Variants in CEP162 observed in about 807,000 individuals in gnomAD.
The protein encoded by CEP162 is centrosomal protein of 162 kDa.
In CEP162, 141 loss-of-function variants were observed where a neutral mutation model predicts 169.2. That is an observed-to-expected ratio of 0.83 (90% CI 0.73 to 0.96). CEP162 has a LOEUF of 0.96. Among genes scored for constraint, CEP162 ranks in the 40% least tolerant of loss-of-function variants. CEP162 has a pLI of 0.00. For synonymous variants in CEP162, 540 were observed against 526.4 expected (o/e 1.03, Z -0.35); for missense variants, 1,600 against 1,587.2 (o/e 1.01, Z -0.14).
chr6:84,225,290 G>T (rs1478911652), intron 2 of CEP162, among the ~76,000 whole-genome samples: 1 of 152,154 alleles, frequency 6.6e-6, no homozygotes, highest in African/African-American at 2.4e-5. Flanking sequence ...AGGCTATATG[G>T]TATAGCTTAT....
At chr6:84,172,946 G>T (rs1303249544) in intron 16 of CEP162, among the ~76,000 whole-genome samples, 1 of 152,124 alleles carries the variant, frequency 6.6e-6, no homozygotes, top group Non-Finnish European at 1.5e-5. Flanking sequence ...TGACTGTCAG[G>T]CTAGCAACAC....
intron 18 of CEP162, among the ~76,000 whole-genome samples, chr6:84,166,083 T>C (rs1337438741): frequency 6.6e-6 from 1 of 152,216 alleles, no homozygotes; most frequent in Non-Finnish European, 1.5e-5. Flanking sequence ...AATGGAAGGC[T>C]TGCATATTTC....
chr6:84,212,360 G>A (rs1160036825), intron 6 of CEP162, among the ~76,000 whole-genome samples: 1 of 152,012 alleles, frequency 6.6e-6, no homozygotes, highest in Non-Finnish European at 1.5e-5. Context: ...AATGCACTGT[G>A]GTGTTTTTAA....
chr6:84,132,575 C>T (rs1208064556), intron 25 of CEP162, among the ~76,000 whole-genome samples: 1 of 152,150 alleles, frequency 6.6e-6, no homozygotes, highest in Non-Finnish European at 1.5e-5. Flanking sequence ...CTTCTCTTCT[C>T]ACTTCATTTC....
At chr6:84,128,912 A>G (rs950276357) in intron 25 of CEP162, among the ~76,000 whole-genome samples, 4 of 151,462 alleles carry the variant, frequency 2.6e-5, no homozygotes, top group Admixed American at 1.3e-4. Context: ...TCATTGTTCA[A>G]CTTCCACTTA....
At chr6:84,182,528 C>T (rs141708118) in intron 13 of CEP162, among the ~76,000 whole-genome samples, 103 of 152,208 alleles carry the variant, frequency 6.8e-4, no homozygotes, top group South Asian at 1.2e-3. Flanking sequence ...TGAGCAGCAA[C>T]GTACATAAAC....
intron 11 of CEP162, among the ~76,000 whole-genome samples, chr6:84,193,289 A>G (rs1217102330): frequency 6.6e-6 from 1 of 152,262 alleles, no homozygotes; most frequent in Non-Finnish European, 1.5e-5. Flanking sequence ...TCTATGACTC[A>G]TAAACATAAT....
chr6:84,181,277 G>T (rs2129228364), intron 13 of CEP162, among the ~76,000 whole-genome samples: 1 of 152,280 alleles, frequency 6.6e-6, no homozygotes, highest in Non-Finnish European at 1.5e-5. Flanking sequence ...AATAAATGGT[G>T]CTGGGAAAAC....
intron 25 of CEP162, among the ~76,000 whole-genome samples, chr6:84,138,868 T>C (rs553804489): frequency 6.6e-6 from 1 of 152,338 alleles, no homozygotes; most frequent in African/African-American, 2.4e-5. Flanking sequence ...TCTTAAACAC[T>C]GAAAAGAATG....
At position 84,204,231 on chromosome 6, in the gene CEP162, T is replaced by C. The variant is rs1469370946; in HGVS notation, c.572-135A>G. 3 of 550,480 alleles carry C rather than the reference T, an allele frequency of 5.4e-6. No homozygotes were observed. In the African/African-American group the frequency reaches 5.8e-5, roughly 11 times the overall value. The allele number at this position is 550,480 out of a possible 1,614,324, so 34.1% of individuals were successfully genotyped here. ...TGAAATAGTAACATAAAGATGTCTT[T>C]AGAGAATCTACAGAACTCTCCAGCC... On this transcript the variant is annotated intron_variant, in intron 6 of 26. Transcript: ENST00000403245.
chr6:84,144,995 C>T (rs1227400569), intron 25 of CEP162, among the ~76,000 whole-genome samples: 1 of 152,066 alleles, frequency 6.6e-6, no homozygotes, highest in African/African-American at 2.4e-5. Flanking sequence ...CTGGAAACAT[C>T]AGTTATACTA....
chr6:84,125,096 C>T lies in CEP162; in HGVS notation c.4186G>A (p.Asp1396Asn). 2 of 1,612,820 alleles carry T rather than the reference C, an allele frequency of 1.2e-6. No homozygotes were observed. Among genetic ancestry groups the T allele is most frequent in the Non-Finnish European group, 1.7e-6 (2 of 1,179,386 alleles). ...QGVVVPVAFA[D>N]EMNAPEY ...TAATACTCTGGTGCATTCATTTCAT[C>T]TGCAAAAGCAACTGGCACAACCACT... Residue 1396 changes from aspartate to asparagine, a missense_variant, in exon 27 of 27, where the codon GAT becomes AAT. Asp to Asn is a conservative substitution (Grantham distance 23, BLOSUM62 1). Transcript: ENST00000403245.
In CEP162 at chr6:84,201,737, C is replaced by T. The variant is rs2127733303; in HGVS notation, c.718G>A (p.Val240Ile). 1.5e-6 allele frequency: 2 copies of T among 1,321,916 alleles called. No homozygotes were observed. The highest frequency in any genetic ancestry group is 2.5e-5 in the East Asian group (1 of 39,366). 81.9% of individuals were successfully genotyped at this position (1,321,916 alleles called of 1,614,324 possible). Residue 240 changes from valine (V) to isoleucine (I), a missense_variant and splice_region_variant, in exon 8 of 27, where the codon GTT becomes ATT. Val to Ile is a conservative substitution (Grantham distance 29). Transcript: ENST00000403245. Reference sequence around the variant, plus strand: ...AAACATGAATATAAATAATATTTACCATTAGCAAGCATGCCAGTTTTTTCT... The same window carrying T: ...AAACATGAATATAAATAATATTTACTATTAGCAAGCATGCCAGTTTTTTCT... ...EEEKTGMLAN[V>I]VLLDSLDSVA...
intron 11 of CEP162, 80 bp downstream of exon 11, chr6:84,193,529 A>C (rs931859445): frequency 1.3e-6 from 1 of 777,402 alleles, no homozygotes; most frequent in African/African-American, 1.8e-5. Context: ...TTAGTCATTA[A>C]TCATTCACTA....
At position 84,125,270 on chromosome 6, in the gene CEP162, G is replaced by T; in HGVS notation, c.4012C>A (p.Gln1338Lys). Residue 1338 changes from glutamine (Q) to lysine (K), a missense_variant, in exon 27 of 27, where the codon CAG (glutamine) becomes AAG (lysine). Transcript: ENST00000403245. ...QREQELQQII[Q>K]QTHQVVETEQ... is the part of the protein sequence containing the mutation. ...GTTTCTACTACTTGGTGTGTTTGCT[G>T]TATTATCTGCAAATACAAAAATTCC... The T allele has an allele frequency of 6.2e-7, 1 of 1,612,628 alleles. No homozygotes were observed. The highest frequency in any genetic ancestry group is 1.3e-5 in the African/African-American group (1 of 74,942).
chr6:84,184,443 A>C (rs1427460498), intron 13 of CEP162, among the ~76,000 whole-genome samples: 2 of 152,100 alleles, frequency 1.3e-5, no homozygotes, highest in Non-Finnish European at 2.9e-5. Flanking sequence ...CCACCTCTCC[A>C]TGGAAACTGC....
At chr6:84,176,302 G>T (rs566007179) in intron 13 of CEP162, among the ~76,000 whole-genome samples, 115 of 152,192 alleles carry the variant, frequency 7.6e-4, no homozygotes, top group Middle Eastern at 3.4e-3. Flanking sequence ...CTCACCAAAA[G>T]ATTTCATTTC....
At chr6:84,132,190 A>G (rs1293778378) in intron 25 of CEP162, among the ~76,000 whole-genome samples, 1 of 152,222 alleles carries the variant, frequency 6.6e-6, no homozygotes, top group East Asian at 1.9e-4. Flanking sequence ...TCTGGCTTGT[A>G]GAGTTTCTGC....
intron 9 of CEP162, 84 bp from the exon 10 acceptor site, chr6:84,195,159 G>A: frequency 1.8e-6 from 2 of 1,114,222 alleles, no homozygotes; most frequent in Non-Finnish European, 2.5e-6. Flanking sequence ...TCCTTAACCT[G>A]TTAGGAATAT....
Sources: gnomAD v4.1 joint callset for allele counts (sites outside exome capture counted in the v4.1 genomes callset) on GRCh38, gnomAD v4.1.1 for gene constraint, MANE v1.5 for transcripts, NCBI Gene and HGNC (gene_info 2026-07-23, HGNC 2026-07-21) for gene names.